Variants in CYP2C19 observed in about 807,000 individuals in gnomAD.
The protein encoded by CYP2C19 is cytochrome P450 2C19.
Under a neutral mutation model 40.9 loss-of-function variants are expected in CYP2C19, and 59 were observed. That is an observed-to-expected ratio of 1.44 (90% CI 1.17 to 1.79). CYP2C19 has a LOEUF of 1.79. CYP2C19 is among the 40% of genes most tolerant of loss of function. The probability of loss-of-function intolerance (pLI) is 0.00; values close to 1 mark genes in which losing one functional copy is unlikely to be tolerated. For missense variants in CYP2C19, 754 were observed against 596.9 expected, an observed-to-expected ratio of 1.26 and a Z score of -2.74; for synonymous variants, 253 against 208.7, an observed-to-expected ratio of 1.21 and a Z score of -1.83.
chr10:94,850,917 G>A (rs1405432311), intron 8 of CYP2C19, among the ~76,000 whole-genome samples: 2 of 152,158 alleles, frequency 1.3e-5, no homozygotes, highest in South Asian at 2.1e-4. Context: ...ATCTCCACAC[G>A]TGAAATGTGT....
intron 6 of CYP2C19, among the ~76,000 whole-genome samples, chr10:94,833,870 A>G (rs929912306): frequency 6.6e-6 from 1 of 152,124 alleles, no homozygotes; most frequent in Non-Finnish European, 1.5e-5. Flanking sequence ...ATTGTGAATG[A>G]TCTGTCTATT....
chr10:94,843,189 G>A (rs1440813197), intron 7 of CYP2C19, among the ~76,000 whole-genome samples, 165 bp downstream of exon 7: 2 of 152,204 alleles, frequency 1.3e-5, no homozygotes, highest in Non-Finnish European at 2.9e-5. Context: ...ATAAAGATTT[G>A]TAACAGGTCT....
At chr10:94,834,995 T>C (rs1321851062) in intron 6 of CYP2C19, among the ~76,000 whole-genome samples, 1 of 152,004 alleles carries the variant, frequency 6.6e-6, no homozygotes, top group African/African-American at 2.4e-5. Context: ...GGTGGTGCAG[T>C]TGAGATTTCC....
At chr10:94,794,535 C>T (rs137973206) in intron 5 of CYP2C19, among the ~76,000 whole-genome samples, 14 of 152,236 alleles carry the variant, frequency 9.2e-5, no homozygotes, top group South Asian at 2.1e-4. Flanking sequence ...TATCCAAGAG[C>T]ATGGAATATT....
chr10:94,795,441 G>A (rs571843430), intron 5 of CYP2C19, among the ~76,000 whole-genome samples: 78 of 152,074 alleles, frequency 5.1e-4, no homozygotes, highest in African/African-American at 1.9e-3. Context: ...CTTTGCTATT[G>A]TGAATAGTGC....
Position 94,781,886 on chromosome 10 carries a change from C to T in CYP2C19, c.708C>T (p.Asn236=). The change falls in exon 5 of 9, where the codon AAC becomes AAT. Residue 236 remains asparagine (N), a synonymous_variant. Coordinates refer to ENST00000371321, the MANE Select transcript of CYP2C19 (RefSeq NM_000769.4). ...FPGTHNKLLK[N]LAFMESDILE... is the part of the protein sequence containing the mutation. ...GAACCCATAACAAATTACTTAAAAA[C>T]CTTGCTTTTATGGAAAGTGATATTT... 1 of 1,498,690 alleles carries T rather than the reference C, an allele frequency of 6.7e-7. No individual in the cohort carries two copies. Among genetic ancestry groups the T allele is most frequent in the Non-Finnish European group, 8.8e-7 (1 of 1,135,490 alleles). The allele number at this position is 1,498,690 out of a possible 1,614,324, so 92.8% of individuals were successfully genotyped here.
intron 5 of CYP2C19, among the ~76,000 whole-genome samples, chr10:94,799,557 A>G: frequency 6.6e-6 from 1 of 152,132 alleles, no homozygotes; most frequent in East Asian, 1.9e-4. Flanking sequence ...CTGCCTTGCT[A>G]GGTTGGGGAA....
intron 5 of CYP2C19, among the ~76,000 whole-genome samples, chr10:94,815,658 T>C (rs983045097): frequency 6.6e-6 from 1 of 152,232 alleles, no homozygotes; most frequent in African/African-American, 2.4e-5. Context: ...TTCTCTTCAC[T>C]TTGTATATTT....
chr10:94,775,402 G>A lies in CYP2C19; in HGVS notation c.344G>A (p.Ser115Asn). ...CTCTTCCTGTTAGGAATCGTTTTCA[G>A]CAATGGAAAGAGATGGAAGGAGATC... The part of the protein sequence containing the change: ...RANRGFGIVF[S>N]NGKRWKEIRR... The change falls in exon 3 of 9, where the codon AGC becomes AAC. Residue 115 changes from serine to asparagine, a missense_variant. Ser to Asn is a conservative substitution (Grantham distance 46). Transcript: ENST00000371321. The A allele has an allele frequency of 1.2e-6, 2 of 1,614,028 alleles. No homozygotes were observed. The highest frequency in any genetic ancestry group is 8.5e-7 in the Non-Finnish European group (1 of 1,180,018).
chr10:94,793,968 C>T (rs1359077993), intron 5 of CYP2C19, among the ~76,000 whole-genome samples: 1 of 152,114 alleles, frequency 6.6e-6, no homozygotes, highest in Non-Finnish European at 1.5e-5. Context: ...GTGTAGTCTA[C>T]AGAGGCAGGC....
intron 5 of CYP2C19, among the ~76,000 whole-genome samples, chr10:94,816,477 A>G (rs1417069435): frequency 1.3e-5 from 2 of 152,140 alleles, no homozygotes; most frequent in East Asian, 1.9e-4. Flanking sequence ...CAGGCTATTT[A>G]TAACTCCATG....
Position 94,773,061 on chromosome 10 carries a change from G to A in CYP2C19, c.169-1997G>A, listed in dbSNP as rs113040237. Among the ~76,000 whole-genome samples the A allele has an allele frequency of 3.1e-3, 478 of 152,286 alleles. 3 individuals carry two copies. Among genetic ancestry groups the A allele is most frequent in the African/African-American group, 0.011 (452 of 41,580 alleles). On this transcript the variant is annotated intron_variant, in intron 1 of 8. Coordinates refer to ENST00000371321, the MANE Select transcript of CYP2C19 (RefSeq NM_000769.4). ...CTCCCAAAGTGCTGGGATTACAGGCGTGAGCCACCGCACCCGGCCATTGGT... is the reference window on the plus strand; with the variant it reads ...CTCCCAAAGTGCTGGGATTACAGGCATGAGCCACCGCACCCGGCCATTGGT...
chr10:94,818,441 C>T (rs1368589998), intron 5 of CYP2C19, among the ~76,000 whole-genome samples: 4 of 151,994 alleles, frequency 2.6e-5, no homozygotes, highest in African/African-American at 9.7e-5. Context: ...TCATTGGTAG[C>T]TTGATGGAGA....
At chr10:94,798,497 T>C (rs1406191516) in intron 5 of CYP2C19, among the ~76,000 whole-genome samples, 1 of 152,148 alleles carries the variant, frequency 6.6e-6, no homozygotes, top group Non-Finnish European at 1.5e-5. Flanking sequence ...TCTGTAGATG[T>C]CTATCAGGTC....
rs181119239 is a variant in CYP2C19 at position 94,795,498 on chromosome 10, T to A, written c.819+13501T>A. ...TGTGTCTTTATAGCAGCATGGTTTATAATCTTTTGGGTATTTACCCAGTAA... is the reference window on the plus strand; with the variant it reads ...TGTGTCTTTATAGCAGCATGGTTTAAAATCTTTTGGGTATTTACCCAGTAA... On this transcript the variant is annotated intron_variant, in intron 5 of 8. Transcript: ENST00000371321. Among the ~76,000 whole-genome samples the A allele has an allele frequency of 1.6e-3, 240 of 152,256 alleles. 1 individual carries two copies. The highest frequency in any genetic ancestry group is 2.7e-3 in the Non-Finnish European group (187 of 68,032).
At chr10:94,839,691 C>A (rs1218652860) in intron 6 of CYP2C19, among the ~76,000 whole-genome samples, 1 of 152,152 alleles carries the variant, frequency 6.6e-6, no homozygotes, top group East Asian at 1.9e-4. Flanking sequence ...TTTGAGGAGA[C>A]CAATTATTAG....
chr10:94,775,361 C>A (rs1395849977), intron 2 of CYP2C19, 29 bp from the exon 3 acceptor site: 7 of 1,612,948 alleles, frequency 4.3e-6, no homozygotes, highest in Non-Finnish European at 5.9e-6. Flanking sequence ...CTGGGATCTC[C>A]CTCCTAGTTT....
chr10:94,791,268 A>T (rs1214289686), intron 5 of CYP2C19, among the ~76,000 whole-genome samples: 1 of 151,470 alleles, frequency 6.6e-6, no homozygotes, highest in Non-Finnish European at 1.5e-5. Context: ...TTTCTCCTTT[A>T]TTATTTTTGC....
chr10:94,849,770 G>T (rs756856192), intron 7 of CYP2C19, 147 bp from the exon 8 acceptor site: 2 of 982,496 alleles, frequency 2.0e-6, no homozygotes, highest in Non-Finnish European at 3.1e-6. Flanking sequence ...TTATTACTTC[G>T]TCTATCTGTC....
Sources: gnomAD v4.1 joint callset for allele counts (sites outside exome capture counted in the v4.1 genomes callset) on GRCh38, gnomAD v4.1.1 for gene constraint, MANE v1.5 for transcripts, NCBI Gene and HGNC (gene_info 2026-07-23, HGNC 2026-07-21) for gene names.